PKNOX2: variants seen among roughly 807,000 people sequenced by gnomAD.
PKNOX2 encodes PBX/knotted 1 homeobox 2.
A neutral mutation model predicts 53.1 loss-of-function variants in PKNOX2; 14 were observed. The ratio of observed to expected loss-of-function variants is 0.26; its 90% CI spans 0.17 to 0.41. The LOEUF (loss-of-function observed/expected upper bound fraction) is 0.41, where lower values mean the gene tolerates loss of function less well. Among genes scored for constraint, PKNOX2 ranks in the 10% least tolerant of loss-of-function variants. The pLI is 1.00. For synonymous variants in PKNOX2, 257 were observed against 242.8 expected, an observed-to-expected ratio of 1.06 and a Z score of -0.54; for missense variants, 496 against 602.8, an observed-to-expected ratio of 0.82 and a Z score of 1.85.
rs61917824 is a variant in PKNOX2, at chr11:125,420,962, C to G, written c.937-8050C>G. Among the ~76,000 whole-genome samples the G allele has an allele frequency of 7.7e-3, 1,170 of 152,218 alleles. 10 individuals carry two copies. In the Middle Eastern group the frequency reaches 0.085, roughly 11 times the overall value. On this transcript the variant is annotated intron_variant, in intron 10 of 12. Coordinates refer to ENST00000298282, the MANE Select transcript of PKNOX2 (RefSeq NM_001382323.2). ...CTTCCTGAAGCCCATGGACCCCTCC[C>G]GACTTGAACACAGATCTTTAACCAA...
chr11:125,290,821 G>A (rs1947258205), intron 2 of PKNOX2, among the ~76,000 whole-genome samples: 1 of 152,166 alleles, frequency 6.6e-6, no homozygotes, highest in Admixed American at 6.5e-5. Flanking sequence ...GAGAGTGGAT[G>A]CCTGAGGTTC....
At position 125,356,444 on chromosome 11, in the gene PKNOX2, C is replaced by T. The variant is rs1364442315; in HGVS notation, c.87+5052C>T. On this transcript the variant is annotated intron_variant, in intron 4 of 12. Coordinates refer to ENST00000298282, the MANE Select transcript of PKNOX2 (RefSeq NM_001382323.2). ...GCAGTTAGAACTCGTAGTTGAGGTC[C>T]GGTTTGTGAGGCTCACTTCGGAAGG... 5.9e-5 allele frequency among the ~76,000 whole-genome samples: 9 copies of T among 152,186 alleles called. 1 individual carries two copies. Among genetic ancestry groups the T allele is most frequent in the South Asian group, 2.1e-4 (1 of 4,822 alleles).
chr11:125,320,758 A>G (rs1949473622), intron 2 of PKNOX2, among the ~76,000 whole-genome samples: 1 of 152,214 alleles, frequency 6.6e-6, no homozygotes, highest in African/African-American at 2.4e-5. Context: ...GGTCAAAAAA[A>G]TCCCCACACT....
chr11:125,389,389 G>T (rs549647213), intron 6 of PKNOX2, among the ~76,000 whole-genome samples: 2 of 152,216 alleles, frequency 1.3e-5, no homozygotes, highest in East Asian at 3.9e-4. Flanking sequence ...AAGTGCCCCC[G>T]ATATCTCTTT....
intron 3 of PKNOX2, among the ~76,000 whole-genome samples, chr11:125,332,284 G>A (rs1950186942): frequency 6.6e-6 from 1 of 152,142 alleles, no homozygotes; most frequent in Admixed American, 6.5e-5. Context: ...ACCTGGTGGT[G>A]GCGGGGTGGG....
At chr11:125,253,831 G>A (rs1944192930) in intron 2 of PKNOX2, among the ~76,000 whole-genome samples, 1 of 152,144 alleles carries the variant, frequency 6.6e-6, no homozygotes, top group South Asian at 2.1e-4. Context: ...CGCAGGAGCA[G>A]CCAGGCGTCT....
At chr11:125,198,039 T>G (rs1300723758) in intron 1 of PKNOX2, among the ~76,000 whole-genome samples, 2 of 152,150 alleles carry the variant, frequency 1.3e-5, no homozygotes, top group Non-Finnish European at 2.9e-5. Context: ...GGCAAGGCCT[T>G]TGGTGGATAG....
intron 4 of PKNOX2, among the ~76,000 whole-genome samples, chr11:125,353,167 A>G (rs1167286916): frequency 2.6e-5 from 4 of 152,216 alleles, no homozygotes; most frequent in African/African-American, 9.6e-5. Flanking sequence ...AGAATGGGGA[A>G]CAGAGATGGA....
intron 4 of PKNOX2, among the ~76,000 whole-genome samples, chr11:125,358,621 G>A (rs1441579266): frequency 6.6e-6 from 1 of 152,220 alleles, no homozygotes; most frequent in Admixed American, 6.5e-5. Flanking sequence ...CTTGGCCTGG[G>A]ATCAGAATAG....
At chr11:125,421,129 A>G (rs1956146376) in intron 10 of PKNOX2, among the ~76,000 whole-genome samples, 1 of 152,208 alleles carries the variant, frequency 6.6e-6, no homozygotes, top group Admixed American at 6.5e-5. Context: ...TTTCAGCACT[A>G]AGGGGGTTGA....
At chr11:125,256,737 G>C (rs532216160) in intron 2 of PKNOX2, among the ~76,000 whole-genome samples, 90 of 152,234 alleles carry the variant, frequency 5.9e-4, no homozygotes, top group Middle Eastern at 3.4e-3. Context: ...GCCACTTCCT[G>C]GTTTCTCAGC....
Position 125,300,212 on chromosome 11 carries a change from G to A in PKNOX2, c.-129-31607G>A, listed in dbSNP as rs141961170. Among the ~76,000 whole-genome samples, 302 of 152,326 alleles carry A rather than the reference G, an allele frequency of 2.0e-3. 1 individual carries two copies. The highest frequency in any genetic ancestry group is 6.5e-3 in the African/African-American group (269 of 41,580). On this transcript the variant is annotated intron_variant, in intron 2 of 12. Transcript: ENST00000298282. The stretch of plus-strand genomic sequence containing the variant: ...AAAGAGCAAAGGTGGCCGAGCCTAA[G>A]GCTGCAGACTTCTCTTTTTCTACCC...
At chr11:125,385,472 G>A in intron 5 of PKNOX2, 79 bp from the exon 6 acceptor site, 1 of 1,468,152 alleles carries the variant, frequency 6.8e-7, no homozygotes, top group Non-Finnish European at 9.1e-7. Flanking sequence ...CGTGGGCAGG[G>A]GAGCCTGGTG....
intron 1 of PKNOX2, among the ~76,000 whole-genome samples, chr11:125,217,973 G>A (rs1325589077): frequency 1.3e-5 from 2 of 152,136 alleles, no homozygotes; most frequent in African/African-American, 4.8e-5. Context: ...GTAGCGCTGG[G>A]GACCCTGGCA....
chr11:125,197,188 G>A (rs143903861), intron 1 of PKNOX2, among the ~76,000 whole-genome samples: 2 of 152,352 alleles, frequency 1.3e-5, no homozygotes, highest in East Asian at 1.9e-4. Context: ...GAGTAGTTGA[G>A]TGATGACTCT....
intron 2 of PKNOX2, among the ~76,000 whole-genome samples, chr11:125,291,385 G>T (rs1216808780): frequency 6.6e-6 from 1 of 152,110 alleles, no homozygotes; most frequent in Non-Finnish European, 1.5e-5. Flanking sequence ...GGCTGGGCAG[G>T]CAGGCTCGAG....
intron 7 of PKNOX2, among the ~76,000 whole-genome samples, chr11:125,406,805 T>C (rs1263409357): frequency 6.6e-6 from 1 of 151,466 alleles, no homozygotes; most frequent in Non-Finnish European, 1.5e-5. Context: ...GTGAAAGCTC[T>C]CTCATACTCA....
At chr11:125,381,672 G>C (rs1224324994) in intron 5 of PKNOX2, among the ~76,000 whole-genome samples, 2 of 152,050 alleles carry the variant, frequency 1.3e-5, no homozygotes, top group African/African-American at 2.4e-5. Flanking sequence ...TGCAAGCCCA[G>C]CTCTGTCACG....
At chr11:125,173,118 G>T (rs193225143) in intron 1 of PKNOX2, among the ~76,000 whole-genome samples, 11 of 152,246 alleles carry the variant, frequency 7.2e-5, no homozygotes, top group African/African-American at 2.6e-4. Context: ...GGCTTTATAG[G>T]TGAGGATAAT....
Sources: allele counts gnomAD v4.1 joint callset (sites outside exome capture counted in the v4.1 genomes callset), GRCh38; gene constraint gnomAD v4.1.1; transcripts MANE v1.5; gene names NCBI Gene and HGNC (gene_info 2026-07-23, HGNC 2026-07-21).